Variants in ZNF331 observed in about 807,000 individuals in gnomAD.
ZNF331 encodes the protein C2H2-like zinc finger protein rearranged in thyroid adenomas.
Under a neutral mutation model 7.0 loss-of-function variants are expected in ZNF331, and 2 were observed. That is an observed-to-expected ratio of 0.29 (90% CI 0.12 to 0.90). The LOEUF (loss-of-function observed/expected upper bound fraction) is 0.90, where lower values mean the gene tolerates loss of function less well. Ranked by LOEUF, ZNF331 falls within the 40% of genes least tolerant of loss-of-function variation. The pLI, the probability that ZNF331 is intolerant of heterozygous loss-of-function variation, is 0.58. For synonymous variants in ZNF331, 196 were observed against 205.4 expected (o/e 0.95, Z 0.39); for missense variants, 432 against 587.7 (o/e 0.74, Z 2.74).
chr19:53,503,784 G>A, the ZNF331 span: 1 of 700,004 alleles, frequency 1.4e-6, no homozygotes, highest in Non-Finnish European at 2.6e-6. Flanking sequence ...GCTCCTGTGT[G>A]TTCCTCAGCT....
intron 2 of ZNF331, among the ~76,000 whole-genome samples, chr19:53,554,378 C>T (rs117022266): frequency 6.6e-6 from 1 of 152,184 alleles, no homozygotes; most frequent in East Asian, 1.9e-4. Flanking sequence ...ACGTGCATGT[C>T]GCGGTCTGGG....
intron 3 of ZNF331, among the ~76,000 whole-genome samples, chr19:53,559,383 TAC>T (rs980410433): frequency 9.5e-5 from 14 of 147,738 alleles, no homozygotes; most frequent in African/African-American, 2.0e-4. Context: ...ACCCCATATA[TAC>T]ACATACACAC....
chr19:53,561,077 GA>G (rs2089853626), intron 3 of ZNF331, among the ~76,000 whole-genome samples: 1 of 152,050 alleles, frequency 6.6e-6, no homozygotes, highest in African/African-American at 2.4e-5. Flanking sequence ...AGGATCACTT[GA>G]ACCCAGGAGA....
chr19:53,536,835 G>A (rs1274596012), upstream of ZNF331, among the ~76,000 whole-genome samples: 3 of 152,104 alleles, frequency 2.0e-5, no homozygotes, highest in Admixed American at 6.5e-5. Context: ...CCCAGGAGGC[G>A]GAGGTTGCAG....
the ZNF331 span, among the ~76,000 whole-genome samples, chr19:53,506,434 C>G: frequency 0.052 from 3,799 of 72,804 alleles, 119 homozygotes; most frequent in East Asian, 0.15. Context: ...CTCTCTCTCT[C>G]TCTCTCTCTG....
chr19:53,535,084 TTATTTATTTATTTATC>T (rs1443026613), upstream of ZNF331, among the ~76,000 whole-genome samples: 1 of 151,148 alleles, frequency 6.6e-6, no homozygotes, highest in East Asian at 1.9e-4. Context: ...AAAATTACCC[TTATTTATTTATTTATC>T]TATTTATTTA....
the ZNF331 span, among the ~76,000 whole-genome samples, chr19:53,511,000 A>G: frequency 2.0e-5 from 3 of 152,168 alleles, no homozygotes; most frequent in Admixed American, 1.3e-4. Flanking sequence ...ATTTAAGGCC[A>G]TGTCATGGGT....
chr19:53,575,561 C>T (rs1478947768), intron 5 of ZNF331, among the ~76,000 whole-genome samples: 1 of 144,264 alleles, frequency 6.9e-6, no homozygotes, highest in African/African-American at 2.6e-5. Flanking sequence ...GCAACCTCCA[C>T]CTCCCGGGTT....
rs201044155 is a variant in ZNF331, at chr19:53,566,192, C to T, written c.-73-3112C>T. Among the ~76,000 whole-genome samples the T allele has an allele frequency of 4.6e-5, 7 of 151,944 alleles. No homozygotes were observed. In the East Asian group the frequency reaches 1.4e-3, roughly 30 times the overall value. Reference sequence around the variant, plus strand: ...CCTCAGTCCTCTCCCAGGGGCATCACACCGGATGTGCCTGGCTCATCCAGC... The same window carrying T: ...CCTCAGTCCTCTCCCAGGGGCATCATACCGGATGTGCCTGGCTCATCCAGC... On this transcript the variant is annotated intron_variant, in intron 3 of 5. Transcript: ENST00000449416.
At chr19:53,536,299 A>T (rs1373149057), upstream of ZNF331, 3 of 137,276 alleles carry the variant, frequency 2.2e-5, no homozygotes, top group Non-Finnish European at 3.2e-5. Context: ...TCAAACAGTC[A>T]TACATTGTAC....
Position 53,577,564 on chromosome 19 carries a change from C to T in ZNF331, c.1004C>T (p.Ala335Val). ...KPHECKECGKAFRWGSSLVKH... is the reference protein window; with the variant it reads ...KPHECKECGKVFRWGSSLVKH... ...CACGAATGTAAGGAGTGTGGGAAGG[C>T]CTTTCGCTGGGGTTCGAGCCTCGTT... is the stretch of plus-strand genomic sequence containing the variant. Residue 335 changes from alanine (A) to valine (V), a missense_variant, in exon 6 of 6, where the codon GCC (alanine) becomes GTC (valine). Around this residue, in one of 3 missense-constraint regions of ZNF331, gnomAD observed 312 missense variants for 448.6 expected, o/e 0.70. Coordinates refer to ENST00000449416, the MANE Select transcript of ZNF331 (RefSeq NM_001079906.2). 6.2e-7 allele frequency: 1 copy of T among 1,614,134 alleles called. No homozygotes were observed.
chr19:53,559,025 TAG>T (rs1329579222), intron 3 of ZNF331, among the ~76,000 whole-genome samples: 3 of 149,720 alleles, frequency 2.0e-5, no homozygotes, highest in Non-Finnish European at 3.0e-5. Context: ...TACCTACATA[TAG>T]AGACACATAT....
At chr19:53,530,051 C>T (rs994486726) in intron 2 of ZNF331, among the ~76,000 whole-genome samples, 1 of 152,132 alleles carries the variant, frequency 6.6e-6, no homozygotes, top group African/African-American at 2.4e-5. Context: ...ATCTGGCATC[C>T]ACTTGGCTTC....
At chr19:53,532,043 G>A (rs945110511) in intron 2 of ZNF331, among the ~76,000 whole-genome samples, 4 of 151,868 alleles carry the variant, frequency 2.6e-5, no homozygotes, top group East Asian at 1.9e-4. Flanking sequence ...GTTTTGATAT[G>A]TGTGTGCATT....
intron 4 of ZNF331, among the ~76,000 whole-genome samples, chr19:53,569,875 G>A (rs1050067098): frequency 1.3e-5 from 2 of 152,082 alleles, no homozygotes; most frequent in Admixed American, 6.6e-5. Context: ...TGTTCCTGCC[G>A]GGAAACTGGA....
chr19:53,525,643 C>G (rs1360111236), intron 2 of ZNF331, among the ~76,000 whole-genome samples: 1 of 152,180 alleles, frequency 6.6e-6, no homozygotes, highest in East Asian at 1.9e-4. Context: ...GTTGACGTTG[C>G]ATACTACAAC....
chr19:53,506,207 C>CAAAT, the ZNF331 span, among the ~76,000 whole-genome samples: 5 of 134,362 alleles, frequency 3.7e-5, no homozygotes, highest in African/African-American at 5.8e-5. Flanking sequence ...TGGTGGCGGG[C>CAAAT]GCCTGTAATC....
At position 53,560,484 on chromosome 19, in the gene ZNF331, G is replaced by T. The variant is rs1195673628; in HGVS notation, c.-74+4576G>T. On this transcript the variant is annotated intron_variant, in intron 3 of 5. Coordinates refer to ENST00000449416, the MANE Select transcript of ZNF331 (RefSeq NM_001079906.2). This position sits in a 1 kb window ranked among gnomAD's most constrained non-coding sequence, Gnocchi z 4.3. ...TAACAGGAAGGTTATGCCTGATTCAGTGACACTACTTTTTCAATATTAGGC... is the reference window on the plus strand; with the variant it reads ...TAACAGGAAGGTTATGCCTGATTCATTGACACTACTTTTTCAATATTAGGC... Among the ~76,000 whole-genome samples, 1 of 152,168 alleles carries T rather than the reference G, an allele frequency of 6.6e-6. No homozygotes were observed. Among genetic ancestry groups the T allele is most frequent in the Non-Finnish European group, 1.5e-5 (1 of 68,028 alleles).
At chr19:53,505,790 T>G in the ZNF331 span, among the ~76,000 whole-genome samples, 1 of 151,762 alleles carries the variant, frequency 6.6e-6, no homozygotes, top group South Asian at 2.1e-4. Context: ...ATCGAGACCA[T>G]CCTGGCCAAC....
Sources: gnomAD v4.1 joint callset for allele counts (sites outside exome capture counted in the v4.1 genomes callset) on GRCh38, gnomAD v4.1.1 for gene constraint, gnomAD v4.1.1 regional missense constraint, Gnocchi (gnomAD v3.1) non-coding constraint, MANE v1.5 for transcripts, NCBI Gene and HGNC (gene_info 2026-07-23, HGNC 2026-07-21) for gene names.